The following R3HDM1 variants were observed in gnomAD, a reference collection of about 807,000 sequenced individuals.
R3HDM1 encodes the protein R3H domain containing 1, also known as R3H domain-containing protein 1.
In R3HDM1, 46 loss-of-function variants were observed where a neutral mutation model predicts 141.1. That is an observed-to-expected ratio of 0.33 (90% confidence interval 0.26 to 0.42). The LOEUF (loss-of-function observed/expected upper bound fraction) is 0.42. Among genes scored for constraint, R3HDM1 ranks in the 10% least tolerant of loss-of-function variants. R3HDM1 has a pLI of 1.00. For synonymous variants in R3HDM1, 435 were observed against 472.9 expected (o/e 0.92, Z 1.04); for missense variants, 1,184 against 1,368.3 (o/e 0.87, Z 2.12).
At chr2:135,608,115 A>AC (rs1258592714) in intron 3 of R3HDM1, 1 of 271,412 alleles carries the variant, frequency 3.7e-6, no homozygotes, top group Non-Finnish European at 5.6e-6. Flanking sequence ...GGAGTTCGAG[A>AC]CCAGCCTGAC....
intron 21 of R3HDM1, among the ~76,000 whole-genome samples, chr2:135,699,075 T>TAGATAGATAGATAGATAGATAGATAGA (rs1553630332): frequency 1.5e-5 from 2 of 132,020 alleles, no homozygotes; most frequent in Admixed American, 7.5e-5. Context: ...ATTAGATAGA[T>TAGATAGATAGATAGATAGATAGATAGA]TAGATAGATA....
intron 1 of R3HDM1, among the ~76,000 whole-genome samples, chr2:135,540,239 C>T (rs967217360): frequency 6.6e-6 from 1 of 152,184 alleles, no homozygotes; most frequent in Non-Finnish European, 1.5e-5. Flanking sequence ...GAATCTAGTT[C>T]TCTTACTGTT....
chr2:135,545,001 C>G (rs1052411546), intron 1 of R3HDM1, among the ~76,000 whole-genome samples: 5 of 152,132 alleles, frequency 3.3e-5, no homozygotes, highest in African/African-American at 1.2e-4. Flanking sequence ...TGTATTTTCC[C>G]TGTTAAAATT....
At chr2:135,575,716 TA>T (rs765735714) in intron 1 of R3HDM1, among the ~76,000 whole-genome samples, 3 of 152,170 alleles carry the variant, frequency 2.0e-5, no homozygotes, top group East Asian at 1.9e-4. Flanking sequence ...TTATTAAACA[TA>T]AAAATGTACA....
At chr2:135,572,230 C>T (rs954530893) in intron 1 of R3HDM1, among the ~76,000 whole-genome samples, 5 of 152,294 alleles carry the variant, frequency 3.3e-5, no homozygotes, top group African/African-American at 1.2e-4. Context: ...GATGGGATTA[C>T]AGGCATGAGC....
At chr2:135,685,208 CCTT>C (rs2071122855) in intron 21 of R3HDM1, among the ~76,000 whole-genome samples, 1 of 151,962 alleles carries the variant, frequency 6.6e-6, no homozygotes, top group South Asian at 2.1e-4. Context: ...ATTGTCCTAA[CCTT>C]CTCTCTCCCT....
Position 135,641,740 on chromosome 2 carries a change from T to C in R3HDM1, c.1424T>C (p.Leu475Ser). ...SPSTSFFLLPLEAAGIPPGSI... is the reference protein window; with the variant it reads ...SPSTSFFLLPSEAAGIPPGSI... ...AGCACTAGCTTCTTTTTGCTTCCCT[T>C]GGAAGCGGCAGGCATACCACCTGGC... The change falls in exon 15 of 27, where the codon TTG becomes TCG. Residue 475 changes from leucine to serine, a missense_variant. Leu to Ser is a moderately radical substitution (Grantham distance 145). This residue lies in a region of R3HDM1 where 563 missense variants were observed against 562.0 expected (regional missense o/e 1.00). Coordinates refer to ENST00000683871, the MANE Select transcript of R3HDM1 (RefSeq NM_001378107.1). 6.2e-7 allele frequency: 1 copy of C among 1,614,092 alleles called. No homozygotes were observed. The highest frequency in any genetic ancestry group is 8.5e-7 in the Non-Finnish European group (1 of 1,179,942).
At chr2:135,608,824 T>C (rs1180387285) in intron 3 of R3HDM1, among the ~76,000 whole-genome samples, 1 of 152,206 alleles carries the variant, frequency 6.6e-6, no homozygotes, top group Non-Finnish European at 1.5e-5. Flanking sequence ...TAAGATATTC[T>C]CTACTTTGCT....
intron 1 of R3HDM1, among the ~76,000 whole-genome samples, chr2:135,555,618 TTA>T (rs779465757): frequency 2.6e-5 from 4 of 152,166 alleles, no homozygotes; most frequent in Admixed American, 6.5e-5. Flanking sequence ...ACACCAACGT[TTA>T]TAGCAGCACT....
At chr2:135,718,360 C>T (rs2076369488) in intron 24 of R3HDM1, among the ~76,000 whole-genome samples, 1 of 152,078 alleles carries the variant, frequency 6.6e-6, no homozygotes, top group Non-Finnish European at 1.5e-5. Flanking sequence ...TCTCAATTTC[C>T]TTAAAAACTT....
intron 1 of R3HDM1, among the ~76,000 whole-genome samples, chr2:135,552,935 G>C (rs1700090526): frequency 6.6e-6 from 1 of 151,912 alleles, no homozygotes; most frequent in Non-Finnish European, 1.5e-5. Context: ...GAAGAGTGCA[G>C]TGGCATGATC....
At chr2:135,540,136 T>C (rs1007009393) in intron 1 of R3HDM1, among the ~76,000 whole-genome samples, 1 of 152,218 alleles carries the variant, frequency 6.6e-6, no homozygotes, top group Non-Finnish European at 1.5e-5. Context: ...GTAGAGTCCA[T>C]CTCAAGAAAC....
intron 1 of R3HDM1, among the ~76,000 whole-genome samples, chr2:135,540,884 T>C (rs964272101): frequency 2.6e-5 from 4 of 152,362 alleles, no homozygotes; most frequent in African/African-American, 9.6e-5. Context: ...ATACATGGGC[T>C]GAAAAATACA....
At chr2:135,619,696 T>G (rs1328289466) in intron 5 of R3HDM1, 2 of 945,338 alleles carry the variant, frequency 2.1e-6, no homozygotes, top group Non-Finnish European at 1.3e-6. Flanking sequence ...GGTACTAGTA[T>G]CTAATCCTTG....
At position 135,700,578 on chromosome 2, in the gene R3HDM1, T is replaced by C. The variant is rs115818146; in HGVS notation, c.2460-8855T>C. Among the ~76,000 whole-genome samples the C allele has an allele frequency of 3.3e-3, 504 of 152,334 alleles. 2 individuals carry two copies. Among genetic ancestry groups the C allele is most frequent in the African/African-American group, 0.011 (476 of 41,582 alleles). On this transcript the variant is annotated intron_variant, in intron 21 of 26. Transcript: ENST00000683871. The stretch of plus-strand genomic sequence containing the variant: ...TGACTTAACACACCTTGACAACTGT[T>C]CATAAATTTTCAAAGACATCGCTTC...
At chr2:135,543,226 G>A in intron 1 of R3HDM1, 1 of 362,592 alleles carries the variant, frequency 2.8e-6, no homozygotes, top group Non-Finnish European at 3.8e-6. Context: ...TGAAAAGACT[G>A]TTCTTTCCCC....
intron 24 of R3HDM1, chr2:135,721,416 G>A (rs2076683178): frequency 6.5e-6 from 1 of 153,714 alleles, no homozygotes; most frequent in African/African-American, 2.4e-5. Flanking sequence ...CAAGGCTGCA[G>A]TGAGCTATGA....
At chr2:135,704,230 T>C (rs1458077675) in intron 21 of R3HDM1, among the ~76,000 whole-genome samples, 2 of 152,224 alleles carry the variant, frequency 1.3e-5, no homozygotes, top group Non-Finnish European at 2.9e-5. Context: ...TCCGCCTGCC[T>C]CAGCCTCCCA....
chr2:135,573,119 A>T (rs566511539), intron 1 of R3HDM1, among the ~76,000 whole-genome samples: 1 of 152,318 alleles, frequency 6.6e-6, no homozygotes, highest in Non-Finnish European at 1.5e-5. Context: ...GTATTGAATT[A>T]TACACTTTAA....
Sources: allele counts gnomAD v4.1 joint callset (sites outside exome capture counted in the v4.1 genomes callset), GRCh38; gene constraint gnomAD v4.1.1; regional missense constraint gnomAD v4.1.1; transcripts MANE v1.5; gene names NCBI Gene and HGNC (gene_info 2026-07-23, HGNC 2026-07-21).